PLEK: variants seen among roughly 807,000 people sequenced by gnomAD.
PLEK encodes platelet 47 kDa protein.
PLEK carries 25 observed loss-of-function variants against 43.9 expected under a neutral mutation model. The ratio of observed to expected loss-of-function variants is 0.57; its 90% confidence interval spans 0.41 to 0.79. The LOEUF (loss-of-function observed/expected upper bound fraction) is 0.79, where lower values mean the gene tolerates loss of function less well. Among genes scored for constraint, PLEK ranks in the 30% least tolerant of loss-of-function variants. The pLI is 0.00. For missense variants in PLEK, 396 were observed against 413.3 expected, an observed-to-expected ratio of 0.96 and a Z score of 0.36; for synonymous variants, 152 against 144.4, an observed-to-expected ratio of 1.05 and a Z score of -0.38.
Position 68,380,320 on chromosome 2 carries a change from C to T in PLEK, c.43-8C>T. ...TGTCCATCTCAGCTCTTTTGGTTGT[C>T]ATTACAGGGGAGCGTGTTCAATACG... is the stretch of plus-strand genomic sequence containing the variant. On this transcript the variant is annotated splice_region_variant and splice_polypyrimidine_tract_variant and intron_variant, in intron 1 of 8. Transcript: ENST00000234313. 8 of 1,604,976 alleles carry T rather than the reference C, an allele frequency of 5.0e-6. No individual in the cohort carries two copies. In the South Asian group the frequency reaches 6.6e-5, roughly 13 times the overall value.
In PLEK at chr2:68,395,703, C is replaced by G. The variant is rs150306558; in HGVS notation, c.940C>G (p.Leu314Val). ...SNGRKSEEENLFEIITADEVH... is the reference protein window; with the variant it reads ...SNGRKSEEENVFEIITADEVH... ...AGGCAGGAAGAGTGAGGAAGAGAAC[C>G]TTTTTGAGATCATCACAGCAGATGA... Residue 314 changes from leucine (L) to valine (V), a missense_variant, in exon 9 of 9, where the codon CTT becomes GTT. Coordinates refer to ENST00000234313, the MANE Select transcript of PLEK (RefSeq NM_002664.3). The G allele has an allele frequency of 4.3e-5, 69 of 1,614,030 alleles. No homozygotes were observed. The African/African-American group carries it at 8.7e-4, about 20-fold the overall frequency.
chr2:68,372,190 T>C (rs1318921306), intron 1 of PLEK, among the ~76,000 whole-genome samples: 1 of 147,278 alleles, frequency 6.8e-6, no homozygotes, highest in Non-Finnish European at 1.5e-5. Context: ...TTTTTTTTTC[T>C]TGAGATGAAG....
At chr2:68,391,452 A>C (rs1436443101) in intron 6 of PLEK, among the ~76,000 whole-genome samples, 2 of 152,228 alleles carry the variant, frequency 1.3e-5, no homozygotes, top group African/African-American at 4.8e-5. Context: ...AGCAATGTAT[A>C]CTTTTGGAAG....
intron 1 of PLEK, among the ~76,000 whole-genome samples, chr2:68,378,421 C>T (rs1429921428): frequency 6.6e-6 from 1 of 152,152 alleles, no homozygotes; most frequent in East Asian, 1.9e-4. Context: ...CTTCACAATC[C>T]CAAACCTTAT....
chr2:68,381,828 C>T lies in PLEK; in HGVS notation c.381-714C>T, dbSNP rs963131396. ...TTTTTGGCAAAGAGCTCCAACGAGG[C>T]ACCTAGTGCAGCTGCAGCTGCTGAT... On this transcript the variant is annotated intron_variant, in intron 3 of 8. Coordinates refer to ENST00000234313, the MANE Select transcript of PLEK (RefSeq NM_002664.3). Among the ~76,000 whole-genome samples, 171 of 152,296 alleles carry T rather than the reference C, an allele frequency of 1.1e-3. 1 individual carries two copies. Among genetic ancestry groups the T allele is most frequent in the Non-Finnish European group, 4.7e-4 (32 of 68,018 alleles).
chr2:68,389,152 T>C (rs1009429660), intron 6 of PLEK, among the ~76,000 whole-genome samples: 1 of 152,158 alleles, frequency 6.6e-6, no homozygotes, highest in African/African-American at 2.4e-5. Context: ...AGGCATATGA[T>C]GCCAAGAGGT....
At chr2:68,390,025 G>A (rs766148355) in intron 6 of PLEK, among the ~76,000 whole-genome samples, 1 of 90,966 alleles carries the variant, frequency 1.1e-5, no homozygotes, top group Non-Finnish European at 2.0e-5. Flanking sequence ...CTCTTGGAAA[G>A]CCAAGGATGA....
intron 1 of PLEK, among the ~76,000 whole-genome samples, chr2:68,369,346 T>C (rs1361965488): frequency 3.9e-5 from 6 of 152,176 alleles, no homozygotes; most frequent in Non-Finnish European, 8.8e-5. Flanking sequence ...ACGCAGAGCC[T>C]AACCACTTTC....
chr2:68,382,910 T>C (rs1673657639), intron 4 of PLEK, among the ~76,000 whole-genome samples: 1 of 152,222 alleles, frequency 6.6e-6, no homozygotes, highest in African/African-American at 2.4e-5. Context: ...AATGGCATTA[T>C]GTTGAGACTT....
chr2:68,379,088 C>T (rs1014246572), intron 1 of PLEK, among the ~76,000 whole-genome samples: 1 of 152,096 alleles, frequency 6.6e-6, no homozygotes, highest in Admixed American at 6.6e-5. Flanking sequence ...GAGCTGAGAT[C>T]ATGCAATTGC....
At chr2:68,392,003 G>A (rs1348810783) in intron 6 of PLEK, among the ~76,000 whole-genome samples, 1 of 152,080 alleles carries the variant, frequency 6.6e-6, no homozygotes, top group African/African-American at 2.4e-5. Flanking sequence ...CTGTGGCCCT[G>A]GGAAACAAAG....
intron 1 of PLEK, among the ~76,000 whole-genome samples, chr2:68,369,927 G>A (rs890169334): frequency 6.6e-6 from 1 of 152,174 alleles, no homozygotes. Flanking sequence ...TAAAAAATAT[G>A]CTACTGAATA....
rs547590992 is a variant in PLEK, at chr2:68,389,210, C to T, written c.762+719C>T. On this transcript the variant is annotated intron_variant, in intron 6 of 8. Transcript: ENST00000234313. ...TGACTGAGGAAGCCAGGACCAGTACCTGGTGGAGGAAGTCGCAGGAAGACA... is the reference window on the plus strand; with the variant it reads ...TGACTGAGGAAGCCAGGACCAGTACTTGGTGGAGGAAGTCGCAGGAAGACA... Among the ~76,000 whole-genome samples the T allele has an allele frequency of 2.6e-5, 4 of 152,308 alleles. No homozygotes were observed. In the South Asian group the frequency reaches 8.3e-4, roughly 32 times the overall value.
rs764229423 is a variant in PLEK at position 68,386,590 on chromosome 2, G to C, written c.561G>C (p.Glu187Asp). 1.9e-6 allele frequency: 3 copies of C among 1,613,610 alleles called. No individual in the cohort carries two copies. The highest frequency in any genetic ancestry group is 1.1e-5 in the South Asian group (1 of 91,068). ...TGATTGCTTCATCGCTGCTCAATGA[G>C]GGGTATCTGCAGCCTGCTGGAGACA... ...GLMIASSLLN[E>D]GYLQPAGDMS... Residue 187 changes from glutamate to aspartate, a missense_variant, in exon 5 of 9, where the codon GAG (glutamate) becomes GAC (aspartate). Glu to Asp is a conservative substitution (Grantham distance 45, BLOSUM62 2). Coordinates refer to ENST00000234313, the MANE Select transcript of PLEK (RefSeq NM_002664.3).
intron 1 of PLEK, among the ~76,000 whole-genome samples, chr2:68,372,170 G>T (rs1673421270): frequency 7.6e-6 from 1 of 130,982 alleles, no homozygotes; most frequent in Admixed American, 8.5e-5. Flanking sequence ...TAAATATAGA[G>T]AAGTTCATTT....
intron 8 of PLEK, 62 bp from the exon 9 acceptor site, chr2:68,395,618 G>C: frequency 1.9e-6 from 3 of 1,580,526 alleles, no homozygotes; most frequent in Non-Finnish European, 2.6e-6. Context: ...TTGCAGAGGA[G>C]GGTGGAGCAA....
chr2:68,373,448 T>C (rs894302986), intron 1 of PLEK, among the ~76,000 whole-genome samples: 2 of 152,030 alleles, frequency 1.3e-5, no homozygotes, highest in Non-Finnish European at 2.9e-5. Context: ...TGCCATGTTG[T>C]TGTGCTGCAC....
intron 1 of PLEK, among the ~76,000 whole-genome samples, chr2:68,365,906 T>G (rs1673263166): frequency 6.6e-6 from 1 of 152,202 alleles, no homozygotes; most frequent in Non-Finnish European, 1.5e-5. Context: ...AAACCTTATC[T>G]TTTTTTAATT....
intron 4 of PLEK, among the ~76,000 whole-genome samples, chr2:68,386,296 C>G (rs1055797070): frequency 6.6e-6 from 1 of 152,026 alleles, no homozygotes; most frequent in Non-Finnish European, 1.5e-5. Flanking sequence ...TGTAGATGTT[C>G]TTAAAAACCC....
Sources: allele counts gnomAD v4.1 joint callset (sites outside exome capture counted in the v4.1 genomes callset), GRCh38; gene constraint gnomAD v4.1.1; transcripts MANE v1.5; gene names NCBI Gene and HGNC (gene_info 2026-07-23, HGNC 2026-07-21).